The following HSF5 variants were observed in gnomAD, a reference collection of about 807,000 sequenced individuals.
HSF5 encodes the protein heat shock transcription factor 5.
Under a neutral mutation model 50.8 loss-of-function variants are expected in HSF5, and 5 were observed. The ratio of observed to expected loss-of-function variants is 0.10; its 90% CI spans 0.05 to 0.21. The LOEUF is 0.21. Ranked by LOEUF, HSF5 falls within the 10% of genes least tolerant of loss-of-function variation. HSF5 has a pLI of 1.00. For synonymous variants in HSF5, 307 were observed against 307.4 expected, an observed-to-expected ratio of 1.00 and a Z score of 0.02; for missense variants, 564 against 762.6, an observed-to-expected ratio of 0.74 and a Z score of 3.07.
chr17:58,454,964 T>G (rs1003477683), intron 5 of HSF5, among the ~76,000 whole-genome samples: 1 of 151,998 alleles, frequency 6.6e-6, no homozygotes, highest in Admixed American at 6.6e-5. Context: ...TTCACAGAAA[T>G]AGAAAAAAAA....
intron 2 of HSF5, among the ~76,000 whole-genome samples, chr17:58,472,848 C>T (rs1974966846): frequency 6.6e-6 from 1 of 152,188 alleles, no homozygotes; most frequent in African/African-American, 2.4e-5. Context: ...GGAGTACATT[C>T]TCTCTACTCT....
chr17:58,485,484 C>T lies in HSF5; in HGVS notation c.550+2241G>A, dbSNP rs544502028. 3.5e-4 allele frequency among the ~76,000 whole-genome samples: 53 copies of T among 151,826 alleles called. 1 individual carries two copies. Among genetic ancestry groups the T allele is most frequent in the East Asian group, 1.8e-3 (9 of 5,098 alleles). ...ACAGGCCTGGCGCAGTGGTGGCTCA[C>T]GCCTGTAATCCCAGCACTTCCAGAG... On this transcript the variant is annotated intron_variant, in intron 1 of 5. Transcript: ENST00000323777.
At chr17:58,458,606 A>G (rs552024032) in intron 5 of HSF5, among the ~76,000 whole-genome samples, 162 bp downstream of exon 5, 7 of 152,258 alleles carry the variant, frequency 4.6e-5, no homozygotes, top group Admixed American at 1.3e-4. Context: ...AACAATAATT[A>G]AGAACAAATA....
At chr17:58,476,227 C>T in intron 2 of HSF5, 1 of 902,540 alleles carries the variant, frequency 1.1e-6, no homozygotes, top group East Asian at 2.6e-5. Flanking sequence ...ATCTTCTAAT[C>T]CTTCCTTCTC....
At chr17:58,451,386 T>C (rs1269750011) in intron 5 of HSF5, among the ~76,000 whole-genome samples, 1 of 152,216 alleles carries the variant, frequency 6.6e-6, no homozygotes, top group African/African-American at 2.4e-5. Context: ...ACAGAATATA[T>C]GTTCTTCTCA....
intron 2 of HSF5, among the ~76,000 whole-genome samples, chr17:58,471,613 TTTTC>T (rs1291791752): frequency 3.1e-5 from 3 of 96,896 alleles, no homozygotes; most frequent in Non-Finnish European, 5.6e-5. Context: ...TTTTCTTTCC[TTTTC>T]TTTCTTTTTT....
At chr17:58,483,164 G>A (rs980805461) in intron 1 of HSF5, among the ~76,000 whole-genome samples, 2 of 152,024 alleles carry the variant, frequency 1.3e-5, no homozygotes, top group Non-Finnish European at 2.9e-5. Flanking sequence ...TGCCCTCTTC[G>A]GGGATAAACT....
At chr17:58,447,196 A>G (rs1974572864) in intron 5 of HSF5, among the ~76,000 whole-genome samples, 1 of 152,192 alleles carries the variant, frequency 6.6e-6, no homozygotes, top group South Asian at 2.1e-4. Flanking sequence ...ACATTAAAAC[A>G]CAGCACCTGG....
At chr17:58,480,295 C>G in intron 1 of HSF5, 28 bp from the exon 2 acceptor site, 1 of 1,562,574 alleles carries the variant, frequency 6.4e-7, no homozygotes, top group Non-Finnish European at 8.7e-7. Flanking sequence ...AGCACATTTA[C>G]TAATTTTGCA....
At chr17:58,424,870 T>C (rs1974274198) in intron 5 of HSF5, among the ~76,000 whole-genome samples, 1 of 151,984 alleles carries the variant, frequency 6.6e-6, no homozygotes, top group Non-Finnish European at 1.5e-5. Context: ...AATAAACTAA[T>C]CACAAAAAGA....
At chr17:58,479,549 C>T (rs1003988673) in intron 2 of HSF5, among the ~76,000 whole-genome samples, 5 of 151,974 alleles carry the variant, frequency 3.3e-5, no homozygotes, top group South Asian at 2.1e-4. Flanking sequence ...ATGATGCACC[C>T]GCCTCAGCCT....
chr17:58,478,181 C>T lies in HSF5; in HGVS notation c.925+1712G>A, dbSNP rs564617421. On this transcript the variant is annotated intron_variant, in intron 2 of 5. Transcript: ENST00000323777. ...AGGCACAGTGGCTCACGCCTGTAAT[C>T]CCAGCACTTTGGGAGGCCGAGGTGG... Among the ~76,000 whole-genome samples the T allele has an allele frequency of 2.0e-5, 3 of 151,884 alleles. No individual in the cohort carries two copies. The South Asian group carries it at 6.2e-4, about 32-fold the overall frequency.
intron 5 of HSF5, among the ~76,000 whole-genome samples, chr17:58,435,862 G>A (rs1225463484): frequency 1.5e-5 from 2 of 137,468 alleles, no homozygotes; most frequent in Admixed American, 1.6e-4. Flanking sequence ...TCACGCCACT[G>A]CACCGCAGCC....
chr17:58,487,726 G>A lies in HSF5; in HGVS notation c.549C>T (p.His183=). The change falls in exon 1 of 6, where the codon CAC becomes CAT. Residue 183 remains histidine, a splice_region_variant and synonymous_variant. Coordinates refer to ENST00000323777, the MANE Select transcript of HSF5 (RefSeq NM_001080439.3). ...AGGGCACGGGCAGTCCGGACTCACC[G>A]TGCGGCTCGGGCCGGGGCCCCGCGG... The part of the protein sequence containing the change: ...PPPAGPRPEP[H]GPVAVGQFHR... The A allele has an allele frequency of 2.2e-6, 3 of 1,383,494 alleles. No homozygotes were observed. Among genetic ancestry groups the A allele is most frequent in the Non-Finnish European group, 2.8e-6 (3 of 1,079,616 alleles). 85.7% of individuals were successfully genotyped at this position (1,383,494 alleles called of 1,614,324 possible). A position where few individuals can be genotyped will look rare whatever the true frequency, so the allele number is the denominator to read the frequency against.
At chr17:58,436,469 C>A (rs1375708521) in intron 5 of HSF5, among the ~76,000 whole-genome samples, 1 of 151,222 alleles carries the variant, frequency 6.6e-6, no homozygotes, top group Non-Finnish European at 1.5e-5. Flanking sequence ...TTATGTTTCA[C>A]AGCAGGAAGC....
intron 5 of HSF5, among the ~76,000 whole-genome samples, chr17:58,433,243 C>T (rs1974386638): frequency 6.6e-6 from 1 of 152,224 alleles, no homozygotes; most frequent in Admixed American, 6.5e-5. Context: ...GTGACCTGCC[C>T]ACCTTGGCCT....
intron 5 of HSF5, among the ~76,000 whole-genome samples, chr17:58,445,617 A>G (rs1249351155): frequency 6.6e-6 from 1 of 152,216 alleles, no homozygotes; most frequent in Non-Finnish European, 1.5e-5. Flanking sequence ...AGAACATAAT[A>G]TAGTCACAAA....
At chr17:58,477,116 C>CT (rs34246837) in intron 2 of HSF5, among the ~76,000 whole-genome samples, 3,560 of 133,740 alleles carry the variant, frequency 0.027, 205 homozygotes, top group African/African-American at 0.082. Context: ...TATATATATA[C>CT]TTTTTTTTTT....
intron 5 of HSF5, among the ~76,000 whole-genome samples, chr17:58,448,970 A>G (rs1050371504): frequency 6.6e-6 from 1 of 152,226 alleles, no homozygotes; most frequent in Admixed American, 6.5e-5. Flanking sequence ...TCCAGAAGTC[A>G]AAGTGTGAAG....
Sources: allele counts gnomAD v4.1 joint callset (sites outside exome capture counted in the v4.1 genomes callset), GRCh38; gene constraint gnomAD v4.1.1; transcripts MANE v1.5; gene names NCBI Gene and HGNC (gene_info 2026-07-23, HGNC 2026-07-21).